NOL4: variants seen among roughly 807,000 people sequenced by gnomAD.
NOL4 encodes the protein nucleolar protein 4.
Under a neutral mutation model 75.9 loss-of-function variants are expected in NOL4, and 17 were observed. The ratio of observed to expected loss-of-function variants is 0.22; its 90% CI spans 0.15 to 0.34. The LOEUF is 0.34. Among genes scored for constraint, NOL4 ranks in the 10% least tolerant of loss-of-function variants. The probability of loss-of-function intolerance (pLI) is 1.00; values close to 1 mark genes in which losing one functional copy is unlikely to be tolerated. For synonymous variants in NOL4, 292 were observed against 289.9 expected (o/e 1.01, Z -0.07); for missense variants, 614 against 793.5 (o/e 0.77, Z 2.72).
chr18:33,915,029 A>G (rs1019946726), intron 9 of NOL4, among the ~76,000 whole-genome samples: 4 of 152,122 alleles, frequency 2.6e-5, no homozygotes, highest in African/African-American at 9.7e-5. Flanking sequence ...GAGGACAAGG[A>G]GAAACCAGCA....
intron 9 of NOL4, among the ~76,000 whole-genome samples, chr18:33,891,706 G>A (rs2065106247): frequency 6.6e-6 from 1 of 152,164 alleles, no homozygotes; most frequent in South Asian, 2.1e-4. Flanking sequence ...AAGGGAGAAG[G>A]CATTGTTGCC....
chr18:33,997,603 A>T (rs1174488601), intron 6 of NOL4, among the ~76,000 whole-genome samples: 1 of 150,758 alleles, frequency 6.6e-6, no homozygotes, highest in Non-Finnish European at 1.5e-5. Flanking sequence ...ATCAAACTAT[A>T]CTTCAAAGTA....
chr18:34,175,420 G>T, intron 1 of NOL4, among the ~76,000 whole-genome samples: 1 of 152,082 alleles, frequency 6.6e-6, no homozygotes, highest in Admixed American at 6.6e-5. Flanking sequence ...TAAACAAAAA[G>T]CTTAAAGGAA....
chr18:34,130,470 GGTTATTGCATAACCTAGGAAA>G (rs2080587941), intron 1 of NOL4, among the ~76,000 whole-genome samples: 1 of 151,752 alleles, frequency 6.6e-6, no homozygotes, highest in Non-Finnish European at 1.5e-5. Flanking sequence ...AGTTATCCTA[GGTTATTGCATAACCTAGGAAA>G]GAAAACACAT....
chr18:33,910,251 C>T (rs913796207), intron 9 of NOL4, among the ~76,000 whole-genome samples: 2 of 152,170 alleles, frequency 1.3e-5, no homozygotes, highest in African/African-American at 2.4e-5. Context: ...CTCTCTAACA[C>T]TGTTTCCTGG....
chr18:33,858,201 A>G (rs1041149908), intron 10 of NOL4, among the ~76,000 whole-genome samples: 17 of 152,076 alleles, frequency 1.1e-4, no homozygotes, highest in African/African-American at 4.1e-4. Flanking sequence ...TCTGGACACA[A>G]TTATTTAGCT....
At chr18:34,140,490 T>G (rs952162737) in intron 1 of NOL4, among the ~76,000 whole-genome samples, 2 of 152,164 alleles carry the variant, frequency 1.3e-5, no homozygotes, top group African/African-American at 2.4e-5. Flanking sequence ...TATCAGAGAC[T>G]AGGATTGCAA....
intron 6 of NOL4, among the ~76,000 whole-genome samples, chr18:33,966,714 C>A (rs2070629919): frequency 6.6e-6 from 1 of 151,914 alleles, no homozygotes; most frequent in Admixed American, 6.6e-5. Context: ...AGAGCCAAAT[C>A]AAGAATGCAA....
chr18:34,091,550 C>A (rs1424061503), intron 5 of NOL4, among the ~76,000 whole-genome samples: 1 of 151,906 alleles, frequency 6.6e-6, no homozygotes, highest in Non-Finnish European at 1.5e-5. Context: ...CTTGGACTCC[C>A]AGATCTTGGA....
intron 5 of NOL4, among the ~76,000 whole-genome samples, chr18:34,035,350 T>C (rs1025564780): frequency 5.3e-5 from 8 of 152,110 alleles, no homozygotes; most frequent in Non-Finnish European, 1.5e-5. Flanking sequence ...TTAAACAATA[T>C]ACTCCTGAAC....
intron 6 of NOL4, among the ~76,000 whole-genome samples, chr18:34,011,043 TTAA>T (rs909077325): frequency 5.9e-5 from 9 of 151,794 alleles, no homozygotes; most frequent in South Asian, 2.1e-4. Flanking sequence ...GTGGCTACAG[TTAA>T]TAATAATTTA....
chr18:33,958,449 A>G lies in NOL4; in HGVS notation c.1057-31T>C, dbSNP rs1265156811. On this transcript the variant is annotated intron_variant, in intron 6 of 10. Transcript: ENST00000261592. Reference sequence around the variant, plus strand: ...AAGAGAAGGTGAAATAACTGCTTTTAAATTCATTGCACAAGCTTATAAGTT... The same window carrying G: ...AAGAGAAGGTGAAATAACTGCTTTTGAATTCATTGCACAAGCTTATAAGTT... The G allele has an allele frequency of 2.6e-6, 4 of 1,556,414 alleles. No individual in the cohort carries two copies. In the East Asian group the frequency reaches 6.8e-5, roughly 26 times the overall value.
intron 8 of NOL4, among the ~76,000 whole-genome samples, chr18:33,945,903 T>A (rs1248803245): frequency 1.3e-5 from 2 of 151,790 alleles, no homozygotes; most frequent in African/African-American, 2.4e-5. Flanking sequence ...ATTAAGTAAT[T>A]GCAAAAGGAC....
At chr18:33,882,982 C>T (rs2064388286) in intron 10 of NOL4, among the ~76,000 whole-genome samples, 2 of 151,958 alleles carry the variant, frequency 1.3e-5, no homozygotes, top group Admixed American at 1.3e-4. Flanking sequence ...CGCATATTCT[C>T]ATTCATAGGT....
At chr18:34,187,050 G>T (rs893513457) in intron 1 of NOL4, among the ~76,000 whole-genome samples, 6 of 152,028 alleles carry the variant, frequency 3.9e-5, no homozygotes, top group African/African-American at 1.4e-4. Flanking sequence ...CACCCAGAGT[G>T]GACTTATAGT....
At chr18:34,132,763 C>G (rs1236503382) in intron 1 of NOL4, among the ~76,000 whole-genome samples, 2 of 145,636 alleles carry the variant, frequency 1.4e-5, no homozygotes, top group Non-Finnish European at 3.0e-5. Flanking sequence ...TAAATAGACA[C>G]AGTACAGTAG....
At chr18:34,068,785 A>G (rs556519131) in intron 5 of NOL4, among the ~76,000 whole-genome samples, 1 of 152,300 alleles carries the variant, frequency 6.6e-6, no homozygotes, top group South Asian at 2.1e-4. Flanking sequence ...CCATATCTGG[A>G]ATTGCAATAC....
rs140643707 is a variant in NOL4, at chr18:34,160,123, C to T, written c.265-30103G>A. ...TTTCTGGCAGCTAAGTCAACGGGGA[C>T]TCTTGCCTCGCTTTCCAATATATCA... On this transcript the variant is annotated intron_variant, in intron 1 of 10. Coordinates refer to ENST00000261592, the MANE Select transcript of NOL4 (RefSeq NM_003787.5). Among the ~76,000 whole-genome samples, 893 of 152,278 alleles carry T rather than the reference C, an allele frequency of 5.9e-3. 9 individuals carry two copies. Among genetic ancestry groups the T allele is most frequent in the African/African-American group, 0.02 (844 of 41,556 alleles).
intron 1 of NOL4, among the ~76,000 whole-genome samples, chr18:34,194,445 AAGGAAGGAAGGAAGGC>A (rs1380742172): frequency 1.4e-5 from 2 of 145,104 alleles, no homozygotes; most frequent in South Asian, 2.3e-4. Context: ...GGAAGGAAGG[AAGGAAGGAAGGAAGGC>A]AGGCAGGCAG....
Sources: gnomAD v4.1 joint callset for allele counts (sites outside exome capture counted in the v4.1 genomes callset) on GRCh38, gnomAD v4.1.1 for gene constraint, MANE v1.5 for transcripts, NCBI Gene and HGNC (gene_info 2026-07-23, HGNC 2026-07-21) for gene names.